The following C11orf71 variants were observed in gnomAD, a reference collection of about 807,000 sequenced individuals.
The protein encoded by C11orf71 is uncharacterized protein C11orf71.
For synonymous variants in C11orf71, 72 were observed against 73.4 expected (o/e 0.98, Z 0.09); for missense variants, 179 against 167.6 (o/e 1.07, Z -0.38).
chr11:114,395,390 A>G (rs945013396), downstream of C11orf71, among the ~76,000 whole-genome samples: 2 of 152,274 alleles, frequency 1.3e-5, no homozygotes, highest in African/African-American at 4.8e-5. Context: ...GGGCGTTGCC[A>G]CAGATGCAGA....
Position 114,398,805 on chromosome 11 carries a change from T to C in C11orf71, c.*1155A>G, listed in dbSNP as rs1946149146. On this transcript the variant is annotated 3_prime_UTR_variant, in exon 1 of 1. Transcript: ENST00000623205. ...GTAGTTATAACAATTCAATACTATG[T>C]GGTGTATGGAGATTTTGCTTTATTT... 6.6e-6 allele frequency: 1 copy of C among 152,190 alleles called. No homozygotes were observed. Among genetic ancestry groups the C allele is most frequent in the South Asian group, 2.1e-4 (1 of 4,834 alleles). The allele number at this position is 152,190 out of a possible 1,614,324, so 9.4% of individuals were successfully genotyped here.
intron 1 of C11orf71, among the ~76,000 whole-genome samples, chr11:114,393,184 A>G (rs1946086132): frequency 6.6e-6 from 1 of 152,204 alleles, no homozygotes; most frequent in Non-Finnish European, 1.5e-5. Flanking sequence ...ACAACTTAAC[A>G]TTGTTTGAAC....
chr11:114,400,098 T>C lies in C11orf71; in HGVS notation c.234A>G (p.Pro78=), dbSNP rs372094787. 56 of 1,613,708 alleles carry C rather than the reference T, an allele frequency of 3.5e-5. No homozygotes were observed. The African/African-American group carries it at 5.1e-4, about 15-fold the overall frequency. Residue 78 remains proline (P), a synonymous_variant, in exon 1 of 1, where the codon CCA becomes CCG. Coordinates refer to ENST00000623205, the MANE Select transcript of C11orf71 (RefSeq NM_001271562.2). The part of the protein sequence containing the change: ...VDGGGRSPRE[P]DGRGRSRQAR... ...CTTGGCGGCTCCGGCCCCGGCCATCTGGTTCCCTTGGGCTCCGGCCGCCAC... is the reference window on the plus strand; with the variant it reads ...CTTGGCGGCTCCGGCCCCGGCCATCCGGTTCCCTTGGGCTCCGGCCGCCAC...
chr11:114,400,065 G>T lies in C11orf71; in HGVS notation c.267C>A (p.Phe89Leu). 6.2e-7 allele frequency: 1 copy of T among 1,614,072 alleles called. No individual in the cohort carries two copies. The highest frequency in any genetic ancestry group is 8.5e-7 in the Non-Finnish European group (1 of 1,179,900). The change falls in exon 1 of 1, where the codon TTC (phenylalanine) becomes TTA (leucine). Residue 89 changes from phenylalanine to leucine, a missense_variant. By Grantham distance (22) the Phe-to-Leu change is conservative (BLOSUM62 0). Transcript: ENST00000623205. ...DGRGRSRQARFSPYPIPAVEP... is the reference protein window; with the variant it reads ...DGRGRSRQARLSPYPIPAVEP... Reference sequence around the variant, plus strand: ...CAACGGCAGGGATTGGGTAAGGTGAGAATCTGGCTTGGCGGCTCCGGCCCC... The same window carrying T: ...CAACGGCAGGGATTGGGTAAGGTGATAATCTGGCTTGGCGGCTCCGGCCCC...
Position 114,400,486 on chromosome 11 carries a change from T to C in C11orf71, c.-155A>G. ...GGAAGAGCCAGAAGCCGCCTTGCCT[T>C]TAACGAGGGGTATCCTGGCGAGCAT... On this transcript the variant is annotated 5_prime_UTR_variant, in exon 1 of 1. Transcript: ENST00000623205. The C allele has an allele frequency of 7.8e-7, 1 of 1,283,954 alleles. No homozygotes were observed. The highest frequency in any genetic ancestry group is 1.1e-6 in the Non-Finnish European group (1 of 947,190). The allele number at this position is 1,283,954 out of a possible 1,614,324, so 79.5% of individuals were successfully genotyped here. A position where few individuals can be genotyped will look rare whatever the true frequency, so the allele number is the denominator to read the frequency against.
chr11:114,395,315 C>G (rs1946122942), downstream of C11orf71, among the ~76,000 whole-genome samples: 1 of 152,134 alleles, frequency 6.6e-6, no homozygotes, highest in Non-Finnish European at 1.5e-5. Flanking sequence ...ATGTAAGGAG[C>G]CATTTACTAA....
chr11:114,394,185 TTTC>T (rs1251441241), downstream of C11orf71, among the ~76,000 whole-genome samples: 4 of 41,610 alleles, frequency 9.6e-5, 1 homozygote, highest in Non-Finnish European at 1.4e-4. Context: ...TTTCGTTTCT[TTTC>T]TTTTCTTTTC....
chr11:114,392,632 G>C (rs1336773568), intron 1 of C11orf71, among the ~76,000 whole-genome samples: 14 of 151,396 alleles, frequency 9.2e-5, no homozygotes, highest in Non-Finnish European at 2.1e-4. Context: ...TGGGGAGGCT[G>C]AGGTGGCAGA....
At chr11:114,392,189 G>A (rs964846835) in intron 1 of C11orf71, among the ~76,000 whole-genome samples, 18 of 152,054 alleles carry the variant, frequency 1.2e-4, no homozygotes, top group Non-Finnish European at 2.2e-4. Flanking sequence ...GATCACTCGA[G>A]CCCAGGAATT....
downstream of C11orf71, among the ~76,000 whole-genome samples, chr11:114,394,269 T>G (rs1264492782): frequency 2.8e-4 from 21 of 75,456 alleles, 3 homozygotes; most frequent in African/African-American, 1.6e-3. Context: ...TTTCTTTTCT[T>G]TTCTTTTCTT....
chr11:114,391,632 G>T, exon 2 of C11orf71: 1 of 1,534,764 alleles, frequency 6.5e-7, no homozygotes, highest in Non-Finnish European at 8.8e-7. Flanking sequence ...ATCAGGGGTT[G>T]CAGACTCAGA....
downstream of C11orf71, among the ~76,000 whole-genome samples, chr11:114,394,863 T>C (rs957939045): frequency 1.3e-5 from 2 of 151,686 alleles, no homozygotes; most frequent in African/African-American, 4.9e-5. Flanking sequence ...GTTGTATTCC[T>C]AGCGGCAGGT....
chr11:114,398,999 T>A lies in C11orf71; in HGVS notation c.*961A>T. 7.5e-6 allele frequency: 1 copy of A among 134,176 alleles called. No individual in the cohort carries two copies. Among genetic ancestry groups the A allele is most frequent in the Non-Finnish European group, 1.6e-5 (1 of 62,880 alleles). The allele number at this position is 134,176 out of a possible 1,614,324, so 8.3% of individuals were successfully genotyped here. A position where few individuals can be genotyped will look rare whatever the true frequency, so the allele number is the denominator to read the frequency against. On this transcript the variant is annotated 3_prime_UTR_variant, in exon 1 of 1. Coordinates refer to ENST00000623205, the MANE Select transcript of C11orf71 (RefSeq NM_001271562.2). ...TTAAGAGAACAAAAATAACAGCAAA[T>A]AAGGAGTGATCAGCCAGGTAAGAGA...
rs1186351163 is a variant in C11orf71, at chr11:114,400,074, T to A, written c.258A>T (p.Gln86His). ...GGATTGGGTAAGGTGAGAATCTGGC[T>A]TGGCGGCTCCGGCCCCGGCCATCTG... ...REPDGRGRSR[Q>H]ARFSPYPIPA... Residue 86 changes from glutamine to histidine, a missense_variant, in exon 1 of 1, where the codon CAA becomes CAT. Gln to His is a conservative substitution (Grantham distance 24). Transcript: ENST00000623205. The A allele has an allele frequency of 6.2e-7, 1 of 1,614,010 alleles. No homozygotes were observed.
Position 114,399,756 on chromosome 11 carries a change from C to T in C11orf71, c.*204G>A, listed in dbSNP as rs1946164778. The T allele has an allele frequency of 2.6e-6, 2 of 778,122 alleles. No individual in the cohort carries two copies. Among genetic ancestry groups the T allele is most frequent in the Admixed American group, 3.4e-5 (1 of 29,630 alleles). 48.2% of individuals were successfully genotyped at this position (778,122 alleles called of 1,614,324 possible). A position where few individuals can be genotyped will look rare whatever the true frequency, so the allele number is the denominator to read the frequency against. ...ATATCCCTTCCACACCTTTCCTGAT[C>T]CAATCGTTCTGGCTGCATAAAACCA... On this transcript the variant is annotated 3_prime_UTR_variant, in exon 1 of 1. Transcript: ENST00000623205.
At chr11:114,391,697 G>A in intron 1 of C11orf71, 3 of 1,015,664 alleles carry the variant, frequency 3.0e-6, no homozygotes, top group Non-Finnish European at 4.3e-6. Context: ...AGTATAAGAT[G>A]GCAGGGAGTG....
rs920953787 is a variant in C11orf71 at position 114,391,788 on chromosome 11, G to C, written c.344-123C>G. ...AAACATGTGCTGACAAAATTCAGTGGGGACAATAAGCAAGTCACAAAAGAA... is the reference window on the plus strand; with the variant it reads ...AAACATGTGCTGACAAAATTCAGTGCGGACAATAAGCAAGTCACAAAAGAA... On this transcript the variant is annotated intron_variant, in intron 1 of 1. Coordinates refer to the C11orf71 transcript ENST00000325636. 1.0e-4 allele frequency: 48 copies of C among 477,740 alleles called. 1 individual carries two copies. Among genetic ancestry groups the C allele is most frequent in the African/African-American group, 6.5e-4 (33 of 51,028 alleles). The allele number at this position is 477,740 out of a possible 1,614,324, so 29.6% of individuals were successfully genotyped here. A position where few individuals can be genotyped will look rare whatever the true frequency, so the allele number is the denominator to read the frequency against.
Position 114,399,227 on chromosome 11 carries a change from C to T in C11orf71, c.*733G>A, listed in dbSNP as rs1946155671. 2 of 152,030 alleles carry T rather than the reference C, an allele frequency of 1.3e-5. No homozygotes were observed. Among genetic ancestry groups the T allele is most frequent in the African/African-American group, 4.8e-5 (2 of 41,372 alleles). 9.4% of individuals were successfully genotyped at this position (152,030 alleles called of 1,614,324 possible). ...TTCATACAGTGTTTACTACAGGGAT[C>T]CCCAAATATTGTTAGTTGAATGAAC... On this transcript the variant is annotated 3_prime_UTR_variant, in exon 1 of 1. Coordinates refer to ENST00000623205, the MANE Select transcript of C11orf71 (RefSeq NM_001271562.2).
At chr11:114,396,270 ACAT>A (rs1439174107), downstream of C11orf71, among the ~76,000 whole-genome samples, 11 of 152,238 alleles carry the variant, frequency 7.2e-5, no homozygotes, top group Non-Finnish European at 1.3e-4. Flanking sequence ...ACAAGTTGAA[ACAT>A]CATCAAACAG....
Sources: allele counts gnomAD v4.1 joint callset (sites outside exome capture counted in the v4.1 genomes callset), GRCh38; gene constraint gnomAD v4.1.1; transcripts MANE v1.5; gene names NCBI Gene and HGNC (gene_info 2026-07-23, HGNC 2026-07-21).